NRG3: variants seen among roughly 807,000 people sequenced by gnomAD.
NRG3 encodes neuregulin 3.
Under a neutral mutation model 66.9 loss-of-function variants are expected in NRG3, and 31 were observed. That is an observed-to-expected ratio of 0.46 (90% CI 0.35 to 0.63). NRG3 has a LOEUF of 0.63. Ranked by LOEUF, NRG3 falls within the 20% of genes least tolerant of loss-of-function variation. The pLI is 0.00. For missense variants in NRG3, 910 were observed against 878.9 expected (o/e 1.04, Z -0.45); for synonymous variants, 393 against 359.4 (o/e 1.09, Z -1.06).
intron 1 of NRG3, among the ~76,000 whole-genome samples, chr10:81,988,618 T>A (rs538959249): frequency 1.1e-4 from 16 of 152,272 alleles, no homozygotes; most frequent in Admixed American, 7.9e-4. Flanking sequence ...ATATTTGATA[T>A]GCCATGAGTT....
intron 2 of NRG3, among the ~76,000 whole-genome samples, chr10:82,539,160 T>G (rs1450756381): frequency 6.6e-6 from 1 of 152,246 alleles, no homozygotes; most frequent in Non-Finnish European, 1.5e-5. Flanking sequence ...CAATAGTTCA[T>G]ACCTGTAACA....
At chr10:82,121,296 G>A (rs2068072270) in intron 1 of NRG3, among the ~76,000 whole-genome samples, 2 of 152,134 alleles carry the variant, frequency 1.3e-5, no homozygotes, top group African/African-American at 4.8e-5. Flanking sequence ...CAAAGGAGTT[G>A]TATGAGAGAG....
intron 1 of NRG3, among the ~76,000 whole-genome samples, chr10:82,315,765 A>C (rs2081261312): frequency 6.7e-6 from 1 of 150,354 alleles, no homozygotes; most frequent in Non-Finnish European, 1.5e-5. Flanking sequence ...TCCTGGGTTC[A>C]AGCAATTCTC....
At chr10:82,166,941 C>A in intron 1 of NRG3, 1 of 460,868 alleles carries the variant, frequency 2.2e-6, no homozygotes. Context: ...TCTTCTTGCT[C>A]GCATTATTTT....
chr10:82,879,392 A>G (rs537442484), intron 4 of NRG3, among the ~76,000 whole-genome samples: 1 of 152,218 alleles, frequency 6.6e-6, no homozygotes, highest in Non-Finnish European at 1.5e-5. Context: ...TTAATTCTCA[A>G]TCAGCGATCT....
chr10:82,010,230 G>T (rs1249690516), intron 1 of NRG3, among the ~76,000 whole-genome samples: 1 of 152,156 alleles, frequency 6.6e-6, no homozygotes, highest in East Asian at 1.9e-4. Flanking sequence ...CTTGGAGTGG[G>T]TAAGCCATTG....
chr10:82,080,688 TTC>T (rs140695500), intron 1 of NRG3, among the ~76,000 whole-genome samples: 69 of 152,318 alleles, frequency 4.5e-4, no homozygotes, highest in African/African-American at 1.7e-3. Context: ...AGCCACAGTT[TTC>T]TTTTTCTTTT....
intron 2 of NRG3, among the ~76,000 whole-genome samples, chr10:82,571,487 A>G (rs377243335): frequency 4.0e-5 from 6 of 151,632 alleles, no homozygotes; most frequent in African/African-American, 1.5e-4. Context: ...ATACATCAAC[A>G]ATGTCTGTCA....
At chr10:82,102,965 T>C (rs1414565063) in intron 1 of NRG3, among the ~76,000 whole-genome samples, 1 of 152,154 alleles carries the variant, frequency 6.6e-6, no homozygotes, top group Non-Finnish European at 1.5e-5. Context: ...TTGAGGCTTC[T>C]CACTAATATT....
At chr10:82,758,925 T>C (rs2059189525) in intron 3 of NRG3, among the ~76,000 whole-genome samples, 2 of 150,104 alleles carry the variant, frequency 1.3e-5, no homozygotes, top group African/African-American at 2.4e-5. Flanking sequence ...ATAAGTAAAA[T>C]AGACCATCAC....
intron 1 of NRG3, among the ~76,000 whole-genome samples, chr10:81,892,612 TTAGAACATAG>T (rs1405697845): frequency 2.6e-5 from 4 of 152,076 alleles, no homozygotes; most frequent in Admixed American, 1.3e-4. Context: ...ATCTTTCACA[TTAGAACATAG>T]CTGTACGTGG....
chr10:82,040,881 C>T (rs2063002699), intron 1 of NRG3, among the ~76,000 whole-genome samples: 1 of 152,046 alleles, frequency 6.6e-6, no homozygotes, highest in South Asian at 2.1e-4. Context: ...GTCAATTGTT[C>T]TTCTAAAAGC....
intron 1 of NRG3, among the ~76,000 whole-genome samples, chr10:81,913,097 A>T (rs1845327877): frequency 6.6e-6 from 1 of 152,076 alleles, no homozygotes; most frequent in South Asian, 2.1e-4. Flanking sequence ...AAAAAGTCAG[A>T]TTATACGTAT....
intron 3 of NRG3, among the ~76,000 whole-genome samples, chr10:82,803,138 G>A (rs915834394): frequency 2.0e-5 from 3 of 152,134 alleles, no homozygotes; most frequent in Admixed American, 1.3e-4. Context: ...ACTCTGTGAG[G>A]ACTCCAGACC....
At chr10:82,877,946 T>C (rs549015719) in intron 4 of NRG3, among the ~76,000 whole-genome samples, 1 of 152,282 alleles carries the variant, frequency 6.6e-6, no homozygotes, top group South Asian at 2.1e-4. Context: ...GAGAGAAATC[T>C]ATTGTAGGCA....
intron 2 of NRG3, among the ~76,000 whole-genome samples, chr10:82,646,466 C>A (rs987474764): frequency 1.3e-5 from 2 of 152,106 alleles, no homozygotes; most frequent in African/African-American, 4.8e-5. Flanking sequence ...GTTTGCATTC[C>A]TGTTCTTTCT....
intron 3 of NRG3, among the ~76,000 whole-genome samples, chr10:82,842,316 G>A (rs2063096640): frequency 6.6e-6 from 1 of 152,292 alleles, no homozygotes; most frequent in African/African-American, 2.4e-5. Flanking sequence ...TGCCAGTAGT[G>A]ATGCCTCATA....
chr10:82,348,437 G>A (rs1261461491), intron 1 of NRG3, among the ~76,000 whole-genome samples: 4 of 149,688 alleles, frequency 2.7e-5, no homozygotes, highest in East Asian at 2.0e-4. Flanking sequence ...TGAGAGATCC[G>A]CTGTTAGTCT....
At chr10:82,063,923 C>T (rs1418384024) in intron 1 of NRG3, among the ~76,000 whole-genome samples, 2 of 152,062 alleles carry the variant, frequency 1.3e-5, no homozygotes, top group East Asian at 1.9e-4. Flanking sequence ...ATCTCAAAAA[C>T]GTTTTAGTTG....
Sources: allele counts gnomAD v4.1 joint callset (sites outside exome capture counted in the v4.1 genomes callset), GRCh38; gene constraint gnomAD v4.1.1; transcripts MANE v1.5; gene names NCBI Gene and HGNC (gene_info 2026-07-23, HGNC 2026-07-21).